The following AUTS2 variants were observed in gnomAD, a reference collection of about 807,000 sequenced individuals.
AUTS2 encodes autism susceptibility gene 2 protein.
In AUTS2, 17 loss-of-function variants were observed where a neutral mutation model predicts 112.4. That is an observed-to-expected ratio of 0.15 (90% CI 0.10 to 0.23). The LOEUF is 0.23. Ranked by LOEUF, AUTS2 falls within the 10% of genes least tolerant of loss-of-function variation. AUTS2 has a pLI of 1.00. For synonymous variants in AUTS2, 751 were observed against 702.7 expected (o/e 1.07, Z -1.09); for missense variants, 1,510 against 1,701.6 (o/e 0.89, Z 1.98).
At chr7:69,783,753 C>T (rs904926320) in intron 1 of AUTS2, among the ~76,000 whole-genome samples, 1 of 152,152 alleles carries the variant, frequency 6.6e-6, no homozygotes, top group Admixed American at 6.5e-5. Context: ...TTCTTTCCCC[C>T]TTCCTTTGCC....
rs1237137061 is a variant in AUTS2 at position 70,631,172 on chromosome 7, A to T, written c.691-67397A>T. 6.6e-6 allele frequency among the ~76,000 whole-genome samples: 1 copy of T among 152,174 alleles called. No individual in the cohort carries two copies. The highest frequency in any genetic ancestry group is 6.5e-5 in the Admixed American group (1 of 15,268). ...TGACAAACTGCCAGCCAGCTCCCAC[A>T]AAAGCACGATTAAAATGTCAGCACA... On this transcript the variant is annotated intron_variant, in intron 5 of 18. Transcript: ENST00000342771. This position sits in a 1 kb window ranked among gnomAD's most constrained non-coding sequence, Gnocchi z 4.5.
rs1322392390 is a variant in AUTS2 at position 69,655,910 on chromosome 7, C to T, written c.309+55948C>T. On this transcript the variant is annotated intron_variant, in intron 1 of 18. Transcript: ENST00000342771. ...CTATTGCAGTCAGCCCTGCTAGGCC[C>T]ACAAGTTGTATGGGGCAGAGGAGAA... 2.0e-5 allele frequency among the ~76,000 whole-genome samples: 3 copies of T among 152,134 alleles called. No individual in the cohort carries two copies. In the East Asian group the frequency reaches 5.8e-4, roughly 29 times the overall value.
At chr7:69,858,983 A>G (rs17458713) in intron 1 of AUTS2, among the ~76,000 whole-genome samples, 4,280 of 152,358 alleles carry the variant, frequency 0.028, 81 homozygotes, top group South Asian at 0.046. Context: ...AGTGAATAGA[A>G]GTGAATAGGA....
chr7:69,693,304 G>A (rs538454175), intron 1 of AUTS2, among the ~76,000 whole-genome samples: 40 of 152,316 alleles, frequency 2.6e-4, no homozygotes, highest in Middle Eastern at 3.4e-3. Context: ...CCCCATTCTG[G>A]GGGTAAAGCC....
chr7:69,694,809 A>G lies in AUTS2; in HGVS notation c.309+94847A>G, dbSNP rs188910826. ...TTTACAAGGTGGCCTTACTATTTAT[A>G]GTTTGACTGTAGGTATGGCAGTGAG... On this transcript the variant is annotated intron_variant, in intron 1 of 18. Coordinates refer to ENST00000342771, the MANE Select transcript of AUTS2 (RefSeq NM_015570.4). 2.4e-3 allele frequency among the ~76,000 whole-genome samples: 368 copies of G among 152,326 alleles called. 2 individuals are homozygous for G. The highest frequency in any genetic ancestry group is 8.4e-3 in the African/African-American group (349 of 41,576).
chr7:70,498,629 A>T (rs1467989430), intron 5 of AUTS2, among the ~76,000 whole-genome samples: 1 of 152,192 alleles, frequency 6.6e-6, no homozygotes, highest in Non-Finnish European at 1.5e-5. Context: ...GTCAGCTGCA[A>T]CCACTAGTTA....
intron 6 of AUTS2, among the ~76,000 whole-genome samples, chr7:70,729,919 A>AT (rs982546448): frequency 1.3e-5 from 2 of 151,880 alleles, no homozygotes; most frequent in African/African-American, 4.8e-5. Flanking sequence ...CTCTGGCCCC[A>AT]TCACCCAGGC....
intron 4 of AUTS2, among the ~76,000 whole-genome samples, chr7:70,149,657 A>C (rs1294863810): frequency 6.6e-6 from 1 of 152,020 alleles, no homozygotes; most frequent in Non-Finnish European, 1.5e-5. Flanking sequence ...GTAGATTATA[A>C]AAATAAAAAG....
intron 4 of AUTS2, among the ~76,000 whole-genome samples, chr7:70,276,906 C>G (rs1787955062): frequency 6.6e-6 from 1 of 152,124 alleles, no homozygotes; most frequent in Non-Finnish European, 1.5e-5. Flanking sequence ...ACGTTGGTAA[C>G]TGGCCTTCAA....
intron 6 of AUTS2, among the ~76,000 whole-genome samples, chr7:70,709,755 C>A (rs564874931): frequency 6.6e-6 from 1 of 152,200 alleles, no homozygotes; most frequent in African/African-American, 2.4e-5. Flanking sequence ...CAGAACCTGA[C>A]GCTTCTGCTG....
Position 70,010,869 on chromosome 7 carries a change from T to C in AUTS2, c.523-107263T>C, listed in dbSNP as rs535022851. Reference sequence around the variant, plus strand: ...ACTTCACCTGGACATCTGTGGATTCTGGATATTAGAAATTGGAAGGAAAAG... The same window carrying C: ...ACTTCACCTGGACATCTGTGGATTCCGGATATTAGAAATTGGAAGGAAAAG... On this transcript the variant is annotated intron_variant, in intron 2 of 18. Coordinates refer to ENST00000342771, the MANE Select transcript of AUTS2 (RefSeq NM_015570.4). Among the ~76,000 whole-genome samples, 4 of 152,266 alleles carry C rather than the reference T, an allele frequency of 2.6e-5. No individual in the cohort carries two copies. In the East Asian group the frequency reaches 7.7e-4, roughly 29 times the overall value.
intron 2 of AUTS2, among the ~76,000 whole-genome samples, chr7:69,917,788 A>C (rs1042355201): frequency 3.3e-5 from 5 of 152,020 alleles, no homozygotes; most frequent in African/African-American, 1.2e-4. Context: ...GAGTCACTTC[A>C]CTTAGAATAA....
intron 1 of AUTS2, among the ~76,000 whole-genome samples, chr7:69,737,415 G>T (rs1265191038): frequency 6.6e-6 from 1 of 152,128 alleles, no homozygotes; most frequent in Non-Finnish European, 1.5e-5. Flanking sequence ...ACTTGCTCAA[G>T]GCCACCTAGC....
intron 2 of AUTS2, among the ~76,000 whole-genome samples, chr7:69,949,311 T>TA (rs1796938416): frequency 1.3e-5 from 2 of 152,212 alleles, no homozygotes; most frequent in African/African-American, 4.8e-5. Context: ...TAATGAAACA[T>TA]ATACTGAGTG....
Position 70,003,221 on chromosome 7 carries a change from A to G in AUTS2, c.522+103723A>G, listed in dbSNP as rs1157830819. ...TATATTATATATGAATATATTATAT[A>G]TGAATATATTATATATGAATATATT... On this transcript the variant is annotated intron_variant, in intron 2 of 18. Coordinates refer to ENST00000342771, the MANE Select transcript of AUTS2 (RefSeq NM_015570.4). Among the ~76,000 whole-genome samples the G allele has an allele frequency of 4.5e-5, 6 of 134,680 alleles. No individual in the cohort carries two copies. In the East Asian group the frequency reaches 1.3e-3, roughly 29 times the overall value. 88.4% of individuals were successfully genotyped at this position (134,680 alleles called of 152,430 possible).
At chr7:70,151,038 T>C (rs1433490116) in intron 4 of AUTS2, among the ~76,000 whole-genome samples, 2 of 152,110 alleles carry the variant, frequency 1.3e-5, no homozygotes, top group Non-Finnish European at 2.9e-5. Flanking sequence ...ATTCCAGGCC[T>C]CCATGCAGGG....
chr7:69,675,073 A>T (rs568706628), intron 1 of AUTS2, among the ~76,000 whole-genome samples: 1 of 152,184 alleles, frequency 6.6e-6, no homozygotes. Flanking sequence ...TTTACCCTTG[A>T]TAGTGCTTTC....
intron 4 of AUTS2, among the ~76,000 whole-genome samples, chr7:70,295,652 C>T (rs181781714): frequency 1.3e-3 from 202 of 152,256 alleles, no homozygotes; most frequent in Non-Finnish European, 2.4e-3. Context: ...CAACTGCTCC[C>T]ACCTCAGGGT....
intron 5 of AUTS2, among the ~76,000 whole-genome samples, chr7:70,690,951 A>G (rs1808723489): frequency 6.6e-6 from 1 of 152,204 alleles, no homozygotes; most frequent in Non-Finnish European, 1.5e-5. Flanking sequence ...ACAAAGTGAG[A>G]CCTTGTCTCT....
Sources: gnomAD v4.1 joint callset for allele counts (sites outside exome capture counted in the v4.1 genomes callset) on GRCh38, gnomAD v4.1.1 for gene constraint, Gnocchi (gnomAD v3.1) non-coding constraint, MANE v1.5 for transcripts, NCBI Gene and HGNC (gene_info 2026-07-23, HGNC 2026-07-21) for gene names.